Variants in SESN1 observed in about 807,000 individuals in gnomAD.
SESN1 encodes sestrin-1.
A neutral mutation model predicts 59.3 loss-of-function variants in SESN1; 30 were observed. The ratio of observed to expected loss-of-function variants is 0.51; its 90% CI spans 0.38 to 0.69. SESN1 has a LOEUF of 0.69. SESN1 is among the 30% of genes least tolerant of loss of function. The pLI, the probability that SESN1 is intolerant of heterozygous loss-of-function variation, is 0.00. For synonymous variants in SESN1, 197 were observed against 219.9 expected, an observed-to-expected ratio of 0.90 and a Z score of 0.92; for missense variants, 566 against 673.0, an observed-to-expected ratio of 0.84 and a Z score of 1.76.
At chr6:109,011,511 G>C (rs1346952141) in intron 1 of SESN1, among the ~76,000 whole-genome samples, 1 of 151,952 alleles carries the variant, frequency 6.6e-6, no homozygotes, top group Non-Finnish European at 1.5e-5. Context: ...CTAATTTCTT[G>C]TTCTCTGCTA....
chr6:108,988,778 A>AT, intron 8 of SESN1, 91 bp from the exon 9 acceptor site: 5 of 1,027,128 alleles, frequency 4.9e-6, no homozygotes, highest in Non-Finnish European at 6.7e-6. Context: ...TTAATACTGT[A>AT]TTTTTTCTCT....
rs769934117 is a variant in SESN1, at chr6:109,000,684, A to G, written c.547-11T>C. 6.5e-7 allele frequency: 1 copy of G among 1,536,152 alleles called. No individual in the cohort carries two copies. The stretch of plus-strand genomic sequence containing the variant: ...ATGTCTTGCCGCAGCCTTAAAACAA[A>G]AAGATTATTCTAATTATAAATATTA... On this transcript the variant is annotated splice_polypyrimidine_tract_variant and intron_variant, in intron 3 of 9. Coordinates refer to ENST00000436639, the MANE Select transcript of SESN1 (RefSeq NM_014454.3).
chr6:108,985,466 G>A lies in SESN1; in HGVS notation c.*2078C>T, dbSNP rs934067072. On this transcript the variant is annotated 3_prime_UTR_variant, in exon 10 of 10. Transcript: ENST00000436639. Reference sequence around the variant, plus strand: ...ATTATATAGTAACATTAGAAATCCTGTGTGTTTAGTTTTGAGAAAACACTC... The same window carrying A: ...ATTATATAGTAACATTAGAAATCCTATGTGTTTAGTTTTGAGAAAACACTC... Among the ~76,000 whole-genome samples, 2 of 152,176 alleles carry A rather than the reference G, an allele frequency of 1.3e-5. No homozygotes were observed. The highest frequency in any genetic ancestry group is 2.9e-5 in the Non-Finnish European group (2 of 68,032).
chr6:109,092,618 C>T (rs1018394354), intron 1 of SESN1, among the ~76,000 whole-genome samples: 2 of 152,176 alleles, frequency 1.3e-5, no homozygotes, highest in African/African-American at 2.4e-5. Context: ...AGTCCTCCAC[C>T]CTTTGCTGCA....
At chr6:109,088,152 A>C (rs769395378) in intron 1 of SESN1, 1 of 151,996 alleles carries the variant, frequency 6.6e-6, no homozygotes, top group Non-Finnish European at 1.5e-5. Flanking sequence ...GAGACGTGGG[A>C]AGAAACTCTT....
At chr6:109,058,976 A>G (rs1242801667) in intron 1 of SESN1, among the ~76,000 whole-genome samples, 1 of 152,186 alleles carries the variant, frequency 6.6e-6, no homozygotes, top group Admixed American at 6.5e-5. Context: ...TAGTCAGAGA[A>G]TAAACCTTCT....
intron 1 of SESN1, among the ~76,000 whole-genome samples, chr6:109,012,944 T>C (rs1779883821): frequency 6.6e-6 from 1 of 151,124 alleles, no homozygotes; most frequent in Non-Finnish European, 1.5e-5. Context: ...TGAAACCCCG[T>C]CTCTACTGAA....
At chr6:109,060,570 G>C (rs1450351450) in intron 1 of SESN1, among the ~76,000 whole-genome samples, 1 of 152,132 alleles carries the variant, frequency 6.6e-6, no homozygotes, top group Non-Finnish European at 1.5e-5. Context: ...ATTTTAGAGG[G>C]AAAATTCCTC....
At chr6:109,082,426 G>T (rs1044516575) in intron 1 of SESN1, among the ~76,000 whole-genome samples, 2 of 152,142 alleles carry the variant, frequency 1.3e-5, no homozygotes, top group South Asian at 2.1e-4. Context: ...TATGTAACTT[G>T]CCCAGTCACA....
intron 1 of SESN1, among the ~76,000 whole-genome samples, chr6:109,016,713 T>G (rs948760667): frequency 4.6e-5 from 7 of 152,176 alleles, no homozygotes; most frequent in African/African-American, 1.7e-4. Flanking sequence ...TGCTTATCCA[T>G]TCTAGCTTTC....
At position 109,009,238 on chromosome 6, in the gene SESN1, C is replaced by T. The variant is rs989690668; in HGVS notation, c.280-6895G>A. On this transcript the variant is annotated intron_variant, in intron 1 of 9. Coordinates refer to ENST00000436639, the MANE Select transcript of SESN1 (RefSeq NM_014454.3). The stretch of plus-strand genomic sequence containing the variant: ...GCCCGCCCTATCTGGGGAGCGTTTT[C>T]GGATGCTGACCGGGAGCGACTGTGA... The T allele has an allele frequency of 5.1e-6, 5 of 980,436 alleles. No individual in the cohort carries two copies. In the African/African-American group the frequency reaches 8.6e-5, roughly 17 times the overall value. 60.7% of individuals were successfully genotyped at this position (980,436 alleles called of 1,614,324 possible). A position where few individuals can be genotyped will look rare whatever the true frequency, so the allele number is the denominator to read the frequency against.
At chr6:109,003,488 C>G (rs1779669986) in intron 1 of SESN1, among the ~76,000 whole-genome samples, 1 of 151,924 alleles carries the variant, frequency 6.6e-6, no homozygotes, top group African/African-American at 2.4e-5. Flanking sequence ...GCAGGAAGGA[C>G]AAAAGTGAAG....
intron 1 of SESN1, among the ~76,000 whole-genome samples, chr6:109,058,323 T>C (rs1483995600): frequency 6.6e-6 from 1 of 152,132 alleles, no homozygotes; most frequent in African/African-American, 2.4e-5. Flanking sequence ...ATACAAATAA[T>C]TACCATTGTG....
chr6:109,027,265 G>A (rs1365686691), intron 1 of SESN1, among the ~76,000 whole-genome samples: 1 of 151,886 alleles, frequency 6.6e-6, no homozygotes, highest in African/African-American at 2.4e-5. Flanking sequence ...CTGAGGTCAG[G>A]AGTTCGAGAC....
chr6:109,028,154 C>T (rs953511179), intron 1 of SESN1, among the ~76,000 whole-genome samples: 4 of 120,842 alleles, frequency 3.3e-5, no homozygotes, highest in African/African-American at 1.1e-4. Flanking sequence ...ACTTTTTTTC[C>T]CCATCTGTTT....
At chr6:109,020,808 G>C (rs1181941270) in intron 1 of SESN1, among the ~76,000 whole-genome samples, 1 of 152,090 alleles carries the variant, frequency 6.6e-6, no homozygotes, top group Non-Finnish European at 1.5e-5. Context: ...TTTTGCTTCA[G>C]TTTGCCAAAT....
At chr6:109,081,510 G>A (rs993038947) in intron 1 of SESN1, among the ~76,000 whole-genome samples, 14 of 152,190 alleles carry the variant, frequency 9.2e-5, no homozygotes, top group African/African-American at 3.4e-4. Context: ...TGGGAAGGTT[G>A]AATGAATTAT....
chr6:109,037,274 T>C (rs1780263919), intron 1 of SESN1, among the ~76,000 whole-genome samples: 1 of 152,212 alleles, frequency 6.6e-6, no homozygotes, highest in African/African-American at 2.4e-5. Context: ...ATTAAGGTTA[T>C]AAAAATTTTG....
intron 5 of SESN1, among the ~76,000 whole-genome samples, chr6:108,997,188 A>C (rs1289929544): frequency 6.6e-6 from 1 of 152,340 alleles, no homozygotes; most frequent in African/African-American, 2.4e-5. Context: ...TTACCTGGGA[A>C]TAGGAAGCTT....
Sources: gnomAD v4.1 joint callset for allele counts (sites outside exome capture counted in the v4.1 genomes callset) on GRCh38, gnomAD v4.1.1 for gene constraint, MANE v1.5 for transcripts, NCBI Gene and HGNC (gene_info 2026-07-23, HGNC 2026-07-21) for gene names.